STXBP3: variants seen among roughly 807,000 people sequenced by gnomAD.
STXBP3 encodes the protein syntaxin-binding protein 3.
In STXBP3, 41 loss-of-function variants were observed where a neutral mutation model predicts 85.7. The ratio of observed to expected loss-of-function variants is 0.48; its 90% CI spans 0.37 to 0.62. The LOEUF (loss-of-function observed/expected upper bound fraction) is 0.62. Ranked by LOEUF, STXBP3 falls within the 20% of genes least tolerant of loss-of-function variation. The probability of loss-of-function intolerance (pLI) is 0.00; values close to 1 mark genes in which losing one functional copy is unlikely to be tolerated. For synonymous variants in STXBP3, 229 were observed against 231.7 expected (o/e 0.99, Z 0.10); for missense variants, 563 against 703.1 (o/e 0.80, Z 2.25).
chr1:108,772,356 CTGTATCATATATAAATACATATGA>C lies in STXBP3; in HGVS notation c.439-307_439-284del, dbSNP rs1557806572. Among the ~76,000 whole-genome samples the C allele has an allele frequency of 1.1e-3, 54 of 50,842 alleles. 15 individuals are homozygous for C. Among genetic ancestry groups the C allele is most frequent in the African/African-American group, 2.6e-3 (29 of 11,180 alleles). 33.4% of individuals were successfully genotyped at this position (50,842 alleles called of 152,430 possible). ...TATCATATATAAATACATATGATATCTGTATCATATATAAATACATATGATATCTGTATATATAAATACATATGA... is the reference window on the plus strand; with the variant it reads ...TATCATATATAAATACATATGATATCTATCTGTATATATAAATACATATGA... On this transcript the variant is annotated intron_variant, in intron 6 of 18. Coordinates refer to ENST00000370008, the MANE Select transcript of STXBP3 (RefSeq NM_007269.4).
At chr1:108,750,239 T>G (rs1661872248) in intron 1 of STXBP3, among the ~76,000 whole-genome samples, 1 of 152,132 alleles carries the variant, frequency 6.6e-6, no homozygotes, top group African/African-American at 2.4e-5. Context: ...GTATAAGGAA[T>G]GAAGCTAGCT....
chr1:108,780,565 C>T (rs1361920262), intron 9 of STXBP3: 1 of 141,798 alleles, frequency 7.1e-6, no homozygotes, highest in East Asian at 2.1e-4. Flanking sequence ...GGCAGGGTTT[C>T]CCCATGTTGG....
At position 108,771,636 on chromosome 1, in the gene STXBP3, A is replaced by T. The variant is rs1307804073; in HGVS notation, c.439-1029A>T. ...GATATATATCTATATATCATATATA[A>T]ATATATATGATATATATCTATATAT... On this transcript the variant is annotated intron_variant, in intron 6 of 18. Coordinates refer to ENST00000370008, the MANE Select transcript of STXBP3 (RefSeq NM_007269.4). Among the ~76,000 whole-genome samples the T allele has an allele frequency of 8.9e-4, 44 of 49,676 alleles. 14 individuals are homozygous for T. The highest frequency in any genetic ancestry group is 3.8e-3 in the African/African-American group (43 of 11,318). The allele number at this position is 49,676 out of a possible 152,430, so 32.6% of individuals were successfully genotyped here.
At chr1:108,753,470 T>G (rs1198626541) in intron 3 of STXBP3, among the ~76,000 whole-genome samples, 2 of 152,028 alleles carry the variant, frequency 1.3e-5, no homozygotes, top group Non-Finnish European at 2.9e-5. Context: ...TTGATTTAGT[T>G]TATGGTTTCA....
chr1:108,782,141 G>A (rs1195962661), intron 9 of STXBP3: 1 of 298,452 alleles, frequency 3.4e-6, no homozygotes, highest in South Asian at 6.8e-5. Flanking sequence ...ACTGTAGGAC[G>A]TTGAATTTTT....
At chr1:108,766,971 G>T (rs1168464712) in intron 6 of STXBP3, 7 of 525,366 alleles carry the variant, frequency 1.3e-5, no homozygotes, top group Non-Finnish European at 2.3e-5. Flanking sequence ...CCATACTGTT[G>T]CTTTCAACCC....
chr1:108,760,417 GATATTAAAACA>G (rs1172372003), intron 6 of STXBP3, among the ~76,000 whole-genome samples: 5 of 151,960 alleles, frequency 3.3e-5, no homozygotes, highest in Non-Finnish European at 7.4e-5. Flanking sequence ...AACCTTTTGT[GATATTAAAACA>G]AATGCTCTTT....
chr1:108,751,217 A>G (rs1308945635), intron 1 of STXBP3, among the ~76,000 whole-genome samples: 2 of 152,148 alleles, frequency 1.3e-5, no homozygotes, highest in African/African-American at 4.8e-5. Flanking sequence ...CTAAAGCTGT[A>G]TAGGGGCCCC....
In STXBP3 at chr1:108,750,795, A is replaced by G. The variant is rs919725324; in HGVS notation, c.50-1462A>G. On this transcript the variant is annotated intron_variant, in intron 1 of 18. Coordinates refer to ENST00000370008, the MANE Select transcript of STXBP3 (RefSeq NM_007269.4). ...TTCTGTCTGTCTTGGCTACAAAGTC[A>G]GGAATTCCTACAACCTCCCTTCCCT... Among the ~76,000 whole-genome samples, 5 of 152,352 alleles carry G rather than the reference A, an allele frequency of 3.3e-5. No individual in the cohort carries two copies. The South Asian group carries it at 1.0e-3, about 32-fold the overall frequency.
chr1:108,806,842 T>C lies in STXBP3; in HGVS notation c.1536-559T>C, dbSNP rs114143787. ...TAATAAGGGAGGTTGTTAGCTCTAC[T>C]CTATATGTTAAAATGCCAAGCCAGA... On this transcript the variant is annotated intron_variant, in intron 17 of 18. Transcript: ENST00000370008. Among the ~76,000 whole-genome samples, 1,147 of 151,572 alleles carry C rather than the reference T, an allele frequency of 7.6e-3. 15 individuals are homozygous for C. Among genetic ancestry groups the C allele is most frequent in the African/African-American group, 0.026 (1,095 of 41,502 alleles).
chr1:108,753,595 AATAATT>A (rs1293640339), intron 3 of STXBP3, among the ~76,000 whole-genome samples: 1 of 152,148 alleles, frequency 6.6e-6, no homozygotes, highest in Non-Finnish European at 1.5e-5. Context: ...AAATGAGACA[AATAATT>A]ATAAGTTTAA....
In STXBP3 at chr1:108,765,591, T is replaced by TTTTTTTTTTTTTTTTTTTTTTTTC. The variant is rs796642937; in HGVS notation, c.438+5507_438+5508insTTTTTTTTTTTTTTTTTTTTTTCT. ...GCTAATTTTTTTTTTTTTTTTTTTTTTGAGACGGAGTCTCATTCCATCATC... is the reference window on the plus strand; with the variant it reads ...GCTAATTTTTTTTTTTTTTTTTTTTTTTTTTTTTTTTTTTTTTTTTTTTCTGAGACGGAGTCTCATTCCATCATC... On this transcript the variant is annotated intron_variant, in intron 6 of 18. Coordinates refer to ENST00000370008, the MANE Select transcript of STXBP3 (RefSeq NM_007269.4). Among the ~76,000 whole-genome samples the TTTTTTTTTTTTTTTTTTTTTTTTC allele has an allele frequency of 3.3e-5, 4 of 122,654 alleles. 1 individual carries two copies. The highest frequency in any genetic ancestry group is 5.0e-5 in the Non-Finnish European group (3 of 59,602). 80.5% of individuals were successfully genotyped at this position (122,654 alleles called of 152,430 possible). A position where few individuals can be genotyped will look rare whatever the true frequency, so the allele number is the denominator to read the frequency against.
intron 3 of STXBP3, among the ~76,000 whole-genome samples, chr1:108,754,585 G>A (rs928172108): frequency 6.6e-6 from 1 of 152,122 alleles, no homozygotes; most frequent in Non-Finnish European, 1.5e-5. Flanking sequence ...ACTGTAGGGA[G>A]GTTTTATTGC....
intron 17 of STXBP3, 75 bp downstream of exon 17, chr1:108,800,380 A>C: frequency 1.8e-5 from 20 of 1,116,886 alleles, no homozygotes; most frequent in Non-Finnish European, 2.1e-5. Context: ...ACAGATACTC[A>C]TATTTGGCAA....
intron 6 of STXBP3, among the ~76,000 whole-genome samples, chr1:108,769,504 T>C (rs1191493262): frequency 6.6e-6 from 1 of 152,146 alleles, no homozygotes; most frequent in Non-Finnish European, 1.5e-5. Context: ...GAGAGGATAC[T>C]AGAAGGGATC....
intron 1 of STXBP3, among the ~76,000 whole-genome samples, chr1:108,747,149 A>ACTCTTCTCCGCTCCCGTCCGCGCTCCC (rs1557797309): frequency 9.1e-5 from 2 of 22,062 alleles, no homozygotes; most frequent in Admixed American, 2.8e-4. Flanking sequence ...TCCGCGCTCC[A>ACTCTTCTCCGCTCCCGTCCGCGCTCCC]CCAGTTGGGG....
At chr1:108,762,949 G>C (rs1045165444) in intron 6 of STXBP3, among the ~76,000 whole-genome samples, 1 of 152,186 alleles carries the variant, frequency 6.6e-6, no homozygotes, top group Non-Finnish European at 1.5e-5. Context: ...TACTGTACCT[G>C]GAACTAGAAA....
intron 6 of STXBP3, among the ~76,000 whole-genome samples, chr1:108,761,774 C>T (rs1210727938): frequency 6.6e-6 from 1 of 152,030 alleles, no homozygotes; most frequent in Non-Finnish European, 1.5e-5. Context: ...AGTTCAAGAC[C>T]AGCCTGGCCA....
intron 1 of STXBP3, among the ~76,000 whole-genome samples, chr1:108,747,119 C>CCCACTCTTCTCCGCTCCCGTCCGCGCTCT (rs1661805168): frequency 6.6e-6 from 1 of 152,196 alleles, no homozygotes; most frequent in Non-Finnish European, 1.5e-5. Flanking sequence ...GGCCGCGCTC[C>CCCACTCTTCTCCGCTCCCGTCCGCGCTCT]CCACTCTTCT....
Sources: allele counts gnomAD v4.1 joint callset (sites outside exome capture counted in the v4.1 genomes callset), GRCh38; gene constraint gnomAD v4.1.1; transcripts MANE v1.5; gene names NCBI Gene and HGNC (gene_info 2026-07-23, HGNC 2026-07-21).